Variants in SSBP2 observed in about 807,000 individuals in gnomAD.
The protein encoded by SSBP2 is single-stranded DNA-binding protein 2.
Under a neutral mutation model 61.8 loss-of-function variants are expected in SSBP2, and 17 were observed. That is an observed-to-expected ratio of 0.28 (90% confidence interval 0.19 to 0.41). The LOEUF is 0.41. Ranked by LOEUF, SSBP2 falls within the 10% of genes least tolerant of loss-of-function variation. SSBP2 has a pLI of 1.00. For synonymous variants in SSBP2, 139 were observed against 141.3 expected, an observed-to-expected ratio of 0.98 and a Z score of 0.12; for missense variants, 310 against 458.7, an observed-to-expected ratio of 0.68 and a Z score of 2.96.
intron 4 of SSBP2, among the ~76,000 whole-genome samples, chr5:81,599,481 CT>C (rs565006213): frequency 6.6e-6 from 1 of 152,180 alleles, no homozygotes; most frequent in South Asian, 2.1e-4. Flanking sequence ...CAGCAATTTG[CT>C]TGGAAACAAC....
intron 3 of SSBP2, among the ~76,000 whole-genome samples, chr5:81,618,245 A>T (rs1746249242): frequency 1.1e-5 from 1 of 91,326 alleles, no homozygotes; most frequent in African/African-American, 3.6e-5. Flanking sequence ...TCAAAATAAA[A>T]GGATGGAGGA....
Position 81,626,926 on chromosome 5 carries a change from C to T in SSBP2, c.197+9631G>A, listed in dbSNP as rs562371679. On this transcript the variant is annotated intron_variant, in intron 3 of 16. Coordinates refer to ENST00000320672, the MANE Select transcript of SSBP2 (RefSeq NM_012446.5). ...TACAATTCAGGAACTTGAATTCTAA[C>T]TCTAAATTTGACCTTGGGCAAATAG... Among the ~76,000 whole-genome samples the T allele has an allele frequency of 1.7e-3, 253 of 152,246 alleles. 1 individual carries two copies. The highest frequency in any genetic ancestry group is 2.9e-3 in the Non-Finnish European group (196 of 68,012).
intron 1 of SSBP2, among the ~76,000 whole-genome samples, chr5:81,665,272 C>A (rs749793105): frequency 1.3e-5 from 2 of 151,972 alleles, no homozygotes; most frequent in African/African-American, 4.8e-5. Context: ...GTAAGCAAGG[C>A]TAGAGAATAA....
intron 1 of SSBP2, among the ~76,000 whole-genome samples, chr5:81,726,054 GAC>G (rs1472957029): frequency 2.6e-5 from 4 of 152,062 alleles, no homozygotes; most frequent in Admixed American, 6.6e-5. Context: ...TTTTTAAAGA[GAC>G]AGACATATTC....
intron 4 of SSBP2, among the ~76,000 whole-genome samples, chr5:81,520,176 G>C (rs1769357808): frequency 1.3e-5 from 2 of 151,774 alleles, no homozygotes; most frequent in African/African-American, 4.8e-5. Context: ...GTAGAGACAG[G>C]GTTTCACCAT....
chr5:81,587,742 C>T (rs1198339947), intron 4 of SSBP2, among the ~76,000 whole-genome samples: 1 of 130,376 alleles, frequency 7.7e-6, no homozygotes. Context: ...AACATACACA[C>T]ACACGCACAC....
chr5:81,456,466 A>G (rs1288892918), intron 10 of SSBP2, among the ~76,000 whole-genome samples: 1 of 151,794 alleles, frequency 6.6e-6, no homozygotes, highest in African/African-American at 2.4e-5. Flanking sequence ...TATATGATCC[A>G]GTAATACTCT....
intron 5 of SSBP2, among the ~76,000 whole-genome samples, chr5:81,508,790 A>T (rs191812483): frequency 2.8e-4 from 42 of 152,292 alleles, no homozygotes; most frequent in Non-Finnish European, 4.9e-4. Context: ...TCTATTTAGG[A>T]GAAATGTTTC....
chr5:81,479,771 T>C (rs1213143388), intron 6 of SSBP2, among the ~76,000 whole-genome samples: 3 of 152,180 alleles, frequency 2.0e-5, no homozygotes, highest in Admixed American at 1.3e-4. Flanking sequence ...CTTATAAAGT[T>C]ATTATTATTC....
intron 1 of SSBP2, among the ~76,000 whole-genome samples, chr5:81,716,180 C>G (rs1581408878): frequency 6.6e-6 from 1 of 151,452 alleles, no homozygotes; most frequent in South Asian, 2.1e-4. Flanking sequence ...GCAATATAAA[C>G]TTATTTGGAT....
chr5:81,676,293 T>A (rs1182906279), intron 1 of SSBP2, among the ~76,000 whole-genome samples: 3 of 152,176 alleles, frequency 2.0e-5, no homozygotes, highest in Non-Finnish European at 4.4e-5. Flanking sequence ...TTTGAAGTGG[T>A]CTTCTTTTCT....
At chr5:81,596,001 G>A (rs1478654727) in intron 4 of SSBP2, among the ~76,000 whole-genome samples, 4 of 151,834 alleles carry the variant, frequency 2.6e-5, no homozygotes, top group Admixed American at 2.6e-4. Context: ...GGATAGGCAG[G>A]AGAAGGAAAT....
At chr5:81,556,085 G>A (rs1185101948) in intron 4 of SSBP2, among the ~76,000 whole-genome samples, 1 of 152,090 alleles carries the variant, frequency 6.6e-6, no homozygotes, top group South Asian at 2.1e-4. Context: ...ATTGGCAGGA[G>A]TTTGCTGGCC....
intron 10 of SSBP2, among the ~76,000 whole-genome samples, chr5:81,454,482 A>G (rs1763994129): frequency 6.6e-6 from 1 of 152,176 alleles, no homozygotes; most frequent in Non-Finnish European, 1.5e-5. Context: ...GGAATTCGAG[A>G]CCAGCGTGGC....
intron 16 of SSBP2, among the ~76,000 whole-genome samples, chr5:81,428,184 G>C (rs963350821): frequency 2.5e-4 from 38 of 152,292 alleles, no homozygotes; most frequent in African/African-American, 9.1e-4. Context: ...TTGGCCTTCA[G>C]TCCAGTGAGG....
intron 1 of SSBP2, among the ~76,000 whole-genome samples, chr5:81,661,176 T>C (rs192714421): frequency 6.6e-6 from 1 of 152,296 alleles, no homozygotes; most frequent in African/African-American, 2.4e-5. Flanking sequence ...AAAAATTGTT[T>C]TTTAAAGACA....
intron 15 of SSBP2, among the ~76,000 whole-genome samples, chr5:81,433,812 C>G (rs984054495): frequency 6.6e-6 from 1 of 152,148 alleles, no homozygotes; most frequent in Non-Finnish European, 1.5e-5. Context: ...AGGTAATGCT[C>G]AACTGAGCAA....
chr5:81,747,237 C>G (rs754335438), intron 1 of SSBP2, among the ~76,000 whole-genome samples: 5 of 152,108 alleles, frequency 3.3e-5, no homozygotes, highest in Non-Finnish European at 7.4e-5. Flanking sequence ...TACCCTAGTT[C>G]AGGAAGACAA....
intron 5 of SSBP2, among the ~76,000 whole-genome samples, chr5:81,490,894 C>T (rs939505002): frequency 6.6e-6 from 1 of 152,190 alleles, no homozygotes; most frequent in African/African-American, 2.4e-5. Flanking sequence ...GCTGATAAAA[C>T]TTAAGTAGAT....
Sources: gnomAD v4.1 joint callset for allele counts (sites outside exome capture counted in the v4.1 genomes callset) on GRCh38, gnomAD v4.1.1 for gene constraint, MANE v1.5 for transcripts, NCBI Gene and HGNC (gene_info 2026-07-23, HGNC 2026-07-21) for gene names.